MYOM1: variants seen among roughly 807,000 people sequenced by gnomAD.
MYOM1 encodes myomesin 1.
MYOM1 carries 164 observed loss-of-function variants against 205.3 expected under a neutral mutation model. The ratio of observed to expected loss-of-function variants is 0.80; its 90% CI spans 0.70 to 0.91. The LOEUF (loss-of-function observed/expected upper bound fraction) is 0.91. Among genes scored for constraint, MYOM1 ranks in the 40% least tolerant of loss-of-function variants. The pLI, the probability that MYOM1 is intolerant of heterozygous loss-of-function variation, is 0.00. For synonymous variants in MYOM1, 772 were observed against 789.4 expected (o/e 0.98, Z 0.37); for missense variants, 2,011 against 2,127.3 (o/e 0.95, Z 1.08).
rs756963095 is a variant in MYOM1 at position 3,176,113 on chromosome 18, T to C, written c.951A>G (p.Ile317Met). 6.2e-7 allele frequency: 1 copy of C among 1,608,544 alleles called. No individual in the cohort carries two copies. The highest frequency in any genetic ancestry group is 1.7e-5 in the Admixed American group (1 of 59,994). ...RVTWYKNQVP[I>M]NVHANPGKYI... Reference sequence around the variant, plus strand: ...ACTTTCCAGGGTTTGCATGGACATTTATTGGCACCTGGTTTTTATACCTAT... The same window carrying C: ...ACTTTCCAGGGTTTGCATGGACATTCATTGGCACCTGGTTTTTATACCTAT... The change falls in exon 6 of 38, where the codon ATA becomes ATG. Residue 317 changes from isoleucine to methionine, a missense_variant. Coordinates refer to ENST00000356443, the MANE Select transcript of MYOM1 (RefSeq NM_003803.4).
intron 14 of MYOM1, among the ~76,000 whole-genome samples, chr18:3,140,752 G>A (rs1002549230): frequency 1.3e-5 from 2 of 152,002 alleles, no homozygotes; most frequent in African/African-American, 2.4e-5. Context: ...CAGTATTAAG[G>A]ATAAAAGAGA....
chr18:3,231,796 C>T, the MYOM1 span, among the ~76,000 whole-genome samples: 2 of 149,702 alleles, frequency 1.3e-5, no homozygotes, highest in Non-Finnish European at 3.0e-5. Flanking sequence ...CCAGCCTCGG[C>T]CTCCCAAAGT....
chr18:3,151,891 C>A lies in MYOM1; in HGVS notation c.1646G>T (p.Cys549Phe). 6.2e-7 allele frequency: 1 copy of A among 1,611,284 alleles called. No homozygotes were observed. Among genetic ancestry groups the A allele is most frequent in the Non-Finnish European group, 8.5e-7 (1 of 1,178,082 alleles). ...CGACCAGCTATCTGTGCCCACCTCACACCTAAAGGAATGAGCGTGATTGAC... is the reference window on the plus strand; with the variant it reads ...CGACCAGCTATCTGTGCCCACCTCAAACCTAAAGGAATGAGCGTGATTGAC... The part of the protein sequence containing the change: ...SPILGYFIDK[C>F]EVGTDSWSQC... Residue 549 changes from cysteine to phenylalanine, a missense_variant and splice_region_variant, in exon 12 of 38, where the codon TGT becomes TTT. Transcript: ENST00000356443.
chr18:3,225,198 A>G, the MYOM1 span, among the ~76,000 whole-genome samples: 1 of 151,156 alleles, frequency 6.6e-6, no homozygotes. Flanking sequence ...CGTGTTAGCC[A>G]GGATGGTCTC....
Position 3,152,803 on chromosome 18 carries a change from C to T in MYOM1, c.1644-910G>A, listed in dbSNP as rs774332959. 1.3e-5 allele frequency among the ~76,000 whole-genome samples: 2 copies of T among 152,270 alleles called. No homozygotes were observed. Among genetic ancestry groups the T allele is most frequent in the African/African-American group, 4.8e-5 (2 of 41,540 alleles). On this transcript the variant is annotated intron_variant, in intron 11 of 37. Coordinates refer to ENST00000356443, the MANE Select transcript of MYOM1 (RefSeq NM_003803.4). This position sits in a 1 kb window ranked among gnomAD's most constrained non-coding sequence, Gnocchi z 4.3. The stretch of plus-strand genomic sequence containing the variant: ...TCAGGGGCGTGGGGGTTGCCAGTGG[C>T]AGGACAGAGGTGGCTGGTGTGGGGG...
chr18:3,224,756 T>A (rs912680034), upstream of MYOM1, among the ~76,000 whole-genome samples: 17 of 151,802 alleles, frequency 1.1e-4, no homozygotes, highest in Non-Finnish European at 1.5e-5. Flanking sequence ...CCTCCGCCTC[T>A]TGGGTTCAAG....
At chr18:3,111,769 T>C (rs757092326) in intron 22 of MYOM1, among the ~76,000 whole-genome samples, 1 of 152,212 alleles carries the variant, frequency 6.6e-6, no homozygotes, top group Non-Finnish European at 1.5e-5. Flanking sequence ...TTTTGTGTCA[T>C]GGCAGAGTTA....
chr18:3,078,076 C>G lies in MYOM1; in HGVS notation c.4648+1103G>C, dbSNP rs151074258. ...TTTTTTTTTGAGACAGAGTCTCGCT[C>G]TGTAGCCCAGGCTGGAGTACAGTGG... is the stretch of plus-strand genomic sequence containing the variant. On this transcript the variant is annotated intron_variant, in intron 34 of 37. Coordinates refer to ENST00000356443, the MANE Select transcript of MYOM1 (RefSeq NM_003803.4). Among the ~76,000 whole-genome samples the G allele has an allele frequency of 5.9e-3, 895 of 151,218 alleles. 10 individuals are homozygous for G. The highest frequency in any genetic ancestry group is 0.021 in the African/African-American group (860 of 41,244).
At chr18:3,162,156 T>A (rs1356097330) in intron 10 of MYOM1, among the ~76,000 whole-genome samples, 1 of 152,184 alleles carries the variant, frequency 6.6e-6, no homozygotes, top group Non-Finnish European at 1.5e-5. Context: ...TGCTTTAACA[T>A]CTTAGACACC....
At chr18:3,186,882 AAGAAAGAAAG>A (rs1448694145) in intron 5 of MYOM1, among the ~76,000 whole-genome samples, 2 of 150,824 alleles carry the variant, frequency 1.3e-5, no homozygotes, top group African/African-American at 4.9e-5. Flanking sequence ...GAGAGAGAGA[AAGAAAGAAAG>A]AGAAAGAAGG....
Position 3,209,172 on chromosome 18 carries a change from A to G in MYOM1, c.290+5762T>C, listed in dbSNP as rs764634581. On this transcript the variant is annotated intron_variant, in intron 2 of 37. Coordinates refer to ENST00000356443, the MANE Select transcript of MYOM1 (RefSeq NM_003803.4). This position sits in a 1 kb window ranked among gnomAD's most constrained non-coding sequence, Gnocchi z 4.0. ...GGAACAAGTGAATGGTTTTACTATC[A>G]TCATACCACCTAAAGAGAGTCTCAG... 3.3e-5 allele frequency among the ~76,000 whole-genome samples: 5 copies of G among 152,186 alleles called. No homozygotes were observed. The highest frequency in any genetic ancestry group is 7.4e-5 in the Non-Finnish European group (5 of 68,026).
In MYOM1 at chr18:3,112,535, G is replaced by A. The variant is rs2079542948; in HGVS notation, c.3304-123C>T. The A allele has an allele frequency of 9.8e-6, 6 of 611,850 alleles. No homozygotes were observed. The South Asian group carries it at 1.7e-4, about 17-fold the overall frequency. The allele number at this position is 611,850 out of a possible 1,614,324, so 37.9% of individuals were successfully genotyped here. A position where few individuals can be genotyped will look rare whatever the true frequency, so the allele number is the denominator to read the frequency against. On this transcript the variant is annotated intron_variant, in intron 21 of 37. Transcript: ENST00000356443. ...TAGTGACCTAGCACCAGGGATACAA[G>A]ACTTGTGGTCTAGATTTGATTCTGT...
At position 3,135,612 on chromosome 18, in the gene MYOM1, G is replaced by A; in HGVS notation, c.2144C>T (p.Ser715Phe). Residue 715 changes from serine to phenylalanine, a missense_variant, in exon 15 of 38, where the codon TCT (serine) becomes TTT (phenylalanine). Physicochemically the swap from Ser to Phe is radical, Grantham distance 155 (BLOSUM62 -2). Coordinates refer to ENST00000356443, the MANE Select transcript of MYOM1 (RefSeq NM_003803.4). This position sits in a 1 kb window ranked among gnomAD's most constrained non-coding sequence, Gnocchi z 4.1. ...GGGCTCACCAACTCCTGCAGAATTA[G>A]AACAGCGGACACGGAAACAGTAGGA... Reference protein sequence around the residue: ...GKSYCFRVRCSNSAGVGEPSE... With the variant: ...GKSYCFRVRCFNSAGVGEPSE... 5 of 1,613,854 alleles carry A rather than the reference G, an allele frequency of 3.1e-6. No individual in the cohort carries two copies. Among genetic ancestry groups the A allele is most frequent in the Non-Finnish European group, 4.2e-6 (5 of 1,179,878 alleles).
At chr18:3,140,097 C>T (rs1365336449) in intron 14 of MYOM1, among the ~76,000 whole-genome samples, 7 of 152,154 alleles carry the variant, frequency 4.6e-5, no homozygotes. Context: ...TTTTTGCCAT[C>T]TATTTTCTTT....
rs577661666 is a variant in MYOM1 at position 3,100,565 on chromosome 18, T to C, written c.3576-139A>G. The stretch of plus-strand genomic sequence containing the variant: ...TCATCTTGCTGAGCTACAGCCTACA[T>C]GTTCTTGGTGTCTCAGATTCAATGT... On this transcript the variant is annotated intron_variant, in intron 23 of 37. Transcript: ENST00000356443. 2.4e-4 allele frequency: 155 copies of C among 653,702 alleles called. 1 individual carries two copies. In the South Asian group the frequency reaches 2.7e-3, roughly 11 times the overall value. 40.5% of individuals were successfully genotyped at this position (653,702 alleles called of 1,614,324 possible). A position where few individuals can be genotyped will look rare whatever the true frequency, so the allele number is the denominator to read the frequency against.
chr18:3,238,488 G>A, the MYOM1 span, among the ~76,000 whole-genome samples: 323 of 151,928 alleles, frequency 2.1e-3, 2 homozygotes, highest in Non-Finnish European at 2.2e-3. Flanking sequence ...GGGGGGTGGG[G>A]GCATCGAGAA....
intron 19 of MYOM1, 84 bp downstream of exon 19, chr18:3,126,617 A>G: frequency 8.2e-7 from 1 of 1,222,558 alleles, no homozygotes. Context: ...CTCTCTTACA[A>G]GGTGCTGGGT....
chr18:3,212,390 T>C (rs532700750), intron 2 of MYOM1, among the ~76,000 whole-genome samples: 34 of 152,226 alleles, frequency 2.2e-4, no homozygotes, highest in Non-Finnish European at 4.0e-4. Context: ...GAGGATTATA[T>C]AGAGCAAATG....
chr18:3,183,785 G>C (rs1271858351), intron 5 of MYOM1, among the ~76,000 whole-genome samples: 1 of 152,134 alleles, frequency 6.6e-6, no homozygotes, highest in Non-Finnish European at 1.5e-5. Context: ...CAACAATCTT[G>C]GTTGTTGCTT....
Sources: allele counts gnomAD v4.1 joint callset (sites outside exome capture counted in the v4.1 genomes callset), GRCh38; gene constraint gnomAD v4.1.1; non-coding constraint Gnocchi (gnomAD v3.1); transcripts MANE v1.5; gene names NCBI Gene and HGNC (gene_info 2026-07-23, HGNC 2026-07-21).